Variants in NVL observed in about 807,000 individuals in gnomAD.
The protein encoded by NVL is nuclear VCP like, also known as nuclear valosin-containing protein-like.
NVL carries 84 observed loss-of-function variants against 110.2 expected under a neutral mutation model. That is an observed-to-expected ratio of 0.76 (90% CI 0.64 to 0.91). The LOEUF is 0.91. Among genes scored for constraint, NVL ranks in the 40% least tolerant of loss-of-function variants. The pLI, the probability that NVL is intolerant of heterozygous loss-of-function variation, is 0.00. For synonymous variants in NVL, 354 were observed against 361.1 expected (o/e 0.98, Z 0.22); for missense variants, 882 against 1,035.9 (o/e 0.85, Z 2.04).
chr1:224,236,938 A>G (rs1335258379), intron 19 of NVL, among the ~76,000 whole-genome samples: 1 of 152,120 alleles, frequency 6.6e-6, no homozygotes. Flanking sequence ...TCATCTACAT[A>G]ATAGGTTCTT....
At chr1:224,315,082 G>T (rs1395234314) in intron 4 of NVL, among the ~76,000 whole-genome samples, 2 of 148,324 alleles carry the variant, frequency 1.3e-5, no homozygotes, top group African/African-American at 5.0e-5. Flanking sequence ...TAGAGACAAG[G>T]CCTCACTCTC....
Position 224,274,670 on chromosome 1 carries a change from C to A in NVL, c.2082+669G>T, listed in dbSNP as rs953357235. Among the ~76,000 whole-genome samples, 4 of 152,018 alleles carry A rather than the reference C, an allele frequency of 2.6e-5. No individual in the cohort carries two copies. In the East Asian group the frequency reaches 7.7e-4, roughly 29 times the overall value. The stretch of plus-strand genomic sequence containing the variant: ...TAAAAATAAAAATAAATAAAAATAG[C>A]AGTTGCTATCTGCTTCAAAAAGGTT... On this transcript the variant is annotated intron_variant, in intron 17 of 22. Coordinates refer to ENST00000281701, the MANE Select transcript of NVL (RefSeq NM_002533.4).
chr1:224,276,625 CAG>C (rs1451200771), intron 16 of NVL, among the ~76,000 whole-genome samples: 1 of 152,182 alleles, frequency 6.6e-6, no homozygotes, highest in Non-Finnish European at 1.5e-5. Flanking sequence ...CCACAGACGA[CAG>C]AGATTAAAGT....
chr1:224,250,251 G>A lies in NVL; in HGVS notation c.2250C>T (p.Pro750=), dbSNP rs1269819852. The part of the protein sequence containing the change: ...LDKTLFVGLP[P]PADRLAILKT... ...TTAAGATGGCAAGGCGATCTGCAGG[G>A]GGCGGTAAACCCACAAACAGTGTTT... Residue 750 remains proline (P), a synonymous_variant, in exon 19 of 23, where the codon CCC becomes CCT. Transcript: ENST00000281701. 1.9e-6 allele frequency: 3 copies of A among 1,610,034 alleles called. No individual in the cohort carries two copies. Among genetic ancestry groups the A allele is most frequent in the Admixed American group, 3.4e-5 (2 of 59,388 alleles).
intron 17 of NVL, among the ~76,000 whole-genome samples, chr1:224,274,837 G>A (rs1194135093): frequency 1.3e-5 from 2 of 152,228 alleles, no homozygotes; most frequent in South Asian, 2.1e-4. Flanking sequence ...GGTATTCAGT[G>A]CAGATCAATT....
chr1:224,262,958 T>C (rs560245751), intron 18 of NVL, among the ~76,000 whole-genome samples: 21 of 152,132 alleles, frequency 1.4e-4, no homozygotes, highest in Non-Finnish European at 8.8e-5. Context: ...GCAGTGATGG[T>C]GGGAGTGGAG....
At chr1:224,314,925 G>A (rs1240286157) in intron 4 of NVL, among the ~76,000 whole-genome samples, 1 of 151,996 alleles carries the variant, frequency 6.6e-6, no homozygotes, top group Non-Finnish European at 1.5e-5. Flanking sequence ...GCAGGAGAAT[G>A]GCTTAAACCC....
chr1:224,298,303 C>T (rs1011204722), intron 10 of NVL: 12 of 271,750 alleles, frequency 4.4e-5, no homozygotes, highest in Non-Finnish European at 1.4e-5. Flanking sequence ...GTTACCACCA[C>T]AAAACTGGAA....
chr1:224,262,157 G>A (rs1001508950), intron 18 of NVL, among the ~76,000 whole-genome samples: 12 of 151,934 alleles, frequency 7.9e-5, no homozygotes, highest in African/African-American at 2.9e-4. Context: ...GTCCAGGAGG[G>A]TTTAAGATCC....
intron 19 of NVL, among the ~76,000 whole-genome samples, chr1:224,244,652 AG>A (rs750528617): frequency 4.0e-5 from 6 of 148,628 alleles, no homozygotes; most frequent in Non-Finnish European, 8.9e-5. Flanking sequence ...TTGTATTTTT[AG>A]TAGAGATGGG....
Position 224,240,153 on chromosome 1 carries a change from C to T in NVL, c.2290-3571G>A, listed in dbSNP as rs187111580. ...TGCGATCTCAGCTCACTGCAACCTC[C>T]GCCCCTCAGGTTCAAGCGATTCTCC... On this transcript the variant is annotated intron_variant, in intron 19 of 22. Coordinates refer to ENST00000281701, the MANE Select transcript of NVL (RefSeq NM_002533.4). 7.6e-3 allele frequency among the ~76,000 whole-genome samples: 1,145 copies of T among 150,864 alleles called. 18 individuals are homozygous for T. Among genetic ancestry groups the T allele is most frequent in the African/African-American group, 0.026 (1,052 of 40,978 alleles).
chr1:224,295,638 C>G (rs1299105209), intron 11 of NVL, among the ~76,000 whole-genome samples: 2 of 151,374 alleles, frequency 1.3e-5, no homozygotes, highest in African/African-American at 4.9e-5. Flanking sequence ...AAGACTGAGC[C>G]CAGGAGTTCG....
intron 2 of NVL, among the ~76,000 whole-genome samples, chr1:224,321,664 G>T (rs1055037265): frequency 6.6e-6 from 1 of 151,508 alleles, no homozygotes; most frequent in Admixed American, 6.6e-5. Flanking sequence ...GCTGAGGCAG[G>T]AGAGTCACTT....
chr1:224,282,460 G>A (rs574556302), intron 15 of NVL, among the ~76,000 whole-genome samples: 45 of 152,340 alleles, frequency 3.0e-4, no homozygotes, highest in Non-Finnish European at 3.7e-4. Context: ...CTCATGGGAT[G>A]AAAGCATTCA....
At chr1:224,269,932 C>T (rs1274680620) in intron 17 of NVL, 1 of 20,760 alleles carries the variant, frequency 4.8e-5, no homozygotes. Context: ...CTCTCTTTTT[C>T]TTTCTTTTTT....
At chr1:224,279,798 C>G (rs144868821) in intron 16 of NVL, among the ~76,000 whole-genome samples, 33 of 152,168 alleles carry the variant, frequency 2.2e-4, no homozygotes, top group Admixed American at 5.9e-4. Flanking sequence ...ATAAAATATT[C>G]AGTAAGCACT....
In NVL at chr1:224,290,054, C is replaced by A. The variant is rs1359101268; in HGVS notation, c.1326-321G>T. 2.0e-5 allele frequency among the ~76,000 whole-genome samples: 3 copies of A among 152,202 alleles called. No individual in the cohort carries two copies. In the East Asian group the frequency reaches 5.8e-4, roughly 29 times the overall value. On this transcript the variant is annotated intron_variant, in intron 12 of 22. Transcript: ENST00000281701. ...ATAAGATAAATAACTTATGGGGGTA[C>A]TTTTAGAGTAGATTAAATGGATATC...
At chr1:224,255,433 C>T (rs1306389616) in intron 18 of NVL, among the ~76,000 whole-genome samples, 1 of 151,108 alleles carries the variant, frequency 6.6e-6, no homozygotes, top group Admixed American at 6.6e-5. Context: ...ACCTTGTGAT[C>T]CGCCCACCTG....
At chr1:224,324,937 G>T (rs558804411) in intron 2 of NVL, among the ~76,000 whole-genome samples, 1 of 152,166 alleles carries the variant, frequency 6.6e-6, no homozygotes, top group South Asian at 2.1e-4. Flanking sequence ...GAATATGACT[G>T]CATTTGGAGA....
Sources: gnomAD v4.1 joint callset for allele counts (sites outside exome capture counted in the v4.1 genomes callset) on GRCh38, gnomAD v4.1.1 for gene constraint, MANE v1.5 for transcripts, NCBI Gene and HGNC (gene_info 2026-07-23, HGNC 2026-07-21) for gene names.